The following IMMP2L variants were observed in gnomAD, a reference collection of about 807,000 sequenced individuals.
IMMP2L encodes inner mitochondrial membrane peptidase subunit 2, also known as mitochondrial inner membrane protease subunit 2.
IMMP2L carries 18 observed loss-of-function variants against 19.3 expected under a neutral mutation model. The observed-to-expected ratio is 0.93, with a 90% CI of 0.64 to 1.38. The LOEUF is 1.38. Among genes scored for constraint, IMMP2L ranks in the 40% most tolerant of loss-of-function variants. The pLI is 0.00. For synonymous variants in IMMP2L, 76 were observed against 73.0 expected (o/e 1.04, Z -0.21); for missense variants, 233 against 218.2 (o/e 1.07, Z -0.43).
At chr7:110,698,545 C>A (rs1442963656) in intron 5 of IMMP2L, among the ~76,000 whole-genome samples, 1 of 152,120 alleles carries the variant, frequency 6.6e-6, no homozygotes, top group African/African-American at 2.4e-5. Context: ...CTCTTTCATC[C>A]TTTCTAGAAT....
intron 3 of IMMP2L, among the ~76,000 whole-genome samples, chr7:111,188,897 T>G (rs1808564494): frequency 6.6e-6 from 1 of 152,124 alleles, no homozygotes; most frequent in South Asian, 2.1e-4. Flanking sequence ...AATATGATCT[T>G]TTTAAGCCAA....
intron 3 of IMMP2L, among the ~76,000 whole-genome samples, chr7:110,976,796 C>G (rs962019703): frequency 3.3e-5 from 5 of 151,962 alleles, no homozygotes; most frequent in African/African-American, 1.2e-4. Flanking sequence ...ATTGAACATA[C>G]TGGCTCCCTA....
chr7:111,344,774 A>C (rs1189877504), intron 3 of IMMP2L, among the ~76,000 whole-genome samples: 1 of 152,196 alleles, frequency 6.6e-6, no homozygotes, highest in African/African-American at 2.4e-5. Flanking sequence ...GTATCAATAT[A>C]GCTGAGTTTT....
intron 3 of IMMP2L, among the ~76,000 whole-genome samples, chr7:110,969,543 T>C (rs1725230008): frequency 6.6e-6 from 1 of 151,998 alleles, no homozygotes; most frequent in South Asian, 2.1e-4. Flanking sequence ...CAAAATGACG[T>C]ACAGATGAAG....
At chr7:111,141,633 G>T (rs1368247186) in intron 3 of IMMP2L, among the ~76,000 whole-genome samples, 1 of 152,070 alleles carries the variant, frequency 6.6e-6, no homozygotes, top group African/African-American at 2.4e-5. Flanking sequence ...GTTTATGGGG[G>T]TTTTTATTCC....
chr7:111,318,759 T>C (rs528013239), intron 3 of IMMP2L, among the ~76,000 whole-genome samples: 2 of 152,114 alleles, frequency 1.3e-5, no homozygotes, highest in Non-Finnish European at 2.9e-5. Flanking sequence ...ATAGATTCTT[T>C]TAAAAATATT....
chr7:111,134,778 T>C lies in IMMP2L; in HGVS notation c.240-171213A>G, dbSNP rs1340631387. 2.0e-5 allele frequency among the ~76,000 whole-genome samples: 3 copies of C among 152,124 alleles called. No individual in the cohort carries two copies. In the East Asian group the frequency reaches 5.8e-4, roughly 29 times the overall value. On this transcript the variant is annotated intron_variant, in intron 3 of 5. Transcript: ENST00000405709. The stretch of plus-strand genomic sequence containing the variant: ...AAAAAATAAATAGGATAAAAGCACA[T>C]CACATCCACCTTCCTGTGACATTTA...
At chr7:111,258,525 G>C (rs1367624515) in intron 3 of IMMP2L, among the ~76,000 whole-genome samples, 1 of 151,168 alleles carries the variant, frequency 6.6e-6, no homozygotes, top group Non-Finnish European at 1.5e-5. Context: ...TTATTTTTTT[G>C]AAAAAGAATC....
intron 3 of IMMP2L, among the ~76,000 whole-genome samples, chr7:111,039,051 T>C (rs1414126535): frequency 6.6e-6 from 1 of 152,142 alleles, no homozygotes; most frequent in Non-Finnish European, 1.5e-5. Context: ...TTTTTGTACA[T>C]AACTTCTATT....
chr7:110,773,837 T>TC (rs975934636), intron 5 of IMMP2L, among the ~76,000 whole-genome samples: 32 of 151,546 alleles, frequency 2.1e-4, no homozygotes, highest in African/African-American at 7.7e-4. Context: ...CTTTTTTTTT[T>TC]TTTTTAGTTT....
intron 3 of IMMP2L, among the ~76,000 whole-genome samples, chr7:111,023,318 T>C (rs1221372042): frequency 6.6e-6 from 1 of 152,194 alleles, no homozygotes; most frequent in Non-Finnish European, 1.5e-5. Flanking sequence ...AATACTTAGA[T>C]ATTCAATTGT....
rs111732808 is a variant in IMMP2L at position 110,896,838 on chromosome 7, G to A, written c.306-10143C>T. Among the ~76,000 whole-genome samples the A allele has an allele frequency of 5.9e-3, 900 of 151,682 alleles. 6 individuals are homozygous for A. Among genetic ancestry groups the A allele is most frequent in the African/African-American group, 0.021 (875 of 41,310 alleles). ...TTTTTTTTTTTAGAGACAAGGTCTC[G>A]CTTCGTTGCTCAGGCTAGAGTGCAG... is the stretch of plus-strand genomic sequence containing the variant. On this transcript the variant is annotated intron_variant, in intron 4 of 5. Coordinates refer to ENST00000405709, the MANE Select transcript of IMMP2L (RefSeq NM_032549.4).
intron 5 of IMMP2L, among the ~76,000 whole-genome samples, chr7:110,801,648 T>C (rs1265018979): frequency 2.0e-5 from 3 of 152,092 alleles, no homozygotes; most frequent in Non-Finnish European, 1.5e-5. Flanking sequence ...ATCATTTCAG[T>C]TGTGAACCCT....
At chr7:110,775,000 C>T (rs1799281970) in intron 5 of IMMP2L, among the ~76,000 whole-genome samples, 1 of 151,782 alleles carries the variant, frequency 6.6e-6, no homozygotes, top group Non-Finnish European at 1.5e-5. Flanking sequence ...ACCATGCAGC[C>T]AATTAAAATC....
intron 5 of IMMP2L, among the ~76,000 whole-genome samples, chr7:110,713,806 T>G (rs1795057513): frequency 6.6e-6 from 1 of 152,166 alleles, no homozygotes; most frequent in Non-Finnish European, 1.5e-5. Flanking sequence ...TGAAACTTTA[T>G]GGAAGTCATT....
chr7:111,402,410 C>T (rs915665389), intron 3 of IMMP2L, among the ~76,000 whole-genome samples: 2 of 151,834 alleles, frequency 1.3e-5, no homozygotes, highest in African/African-American at 2.4e-5. Context: ...GCTCAAAAAC[C>T]TTAAAAGCTT....
At chr7:110,808,332 A>C (rs1275647566) in intron 5 of IMMP2L, among the ~76,000 whole-genome samples, 2 of 152,062 alleles carry the variant, frequency 1.3e-5, no homozygotes, top group East Asian at 1.9e-4. Context: ...ATGCGCTAAC[A>C]ATCTCAGTAC....
intron 5 of IMMP2L, among the ~76,000 whole-genome samples, chr7:110,846,997 G>C (rs999012010): frequency 1.6e-4 from 24 of 152,102 alleles, no homozygotes; most frequent in African/African-American, 5.8e-4. Flanking sequence ...TTTCTTCAGT[G>C]TTTTCCAGAT....
intron 3 of IMMP2L, among the ~76,000 whole-genome samples, chr7:111,129,102 C>A (rs1487044916): frequency 1.3e-5 from 2 of 151,916 alleles, no homozygotes; most frequent in Non-Finnish European, 2.9e-5. Flanking sequence ...GTGTCAGAAG[C>A]TACTAAAGCA....
Sources: gnomAD v4.1 joint callset for allele counts (sites outside exome capture counted in the v4.1 genomes callset) on GRCh38, gnomAD v4.1.1 for gene constraint, MANE v1.5 for transcripts, NCBI Gene and HGNC (gene_info 2026-07-23, HGNC 2026-07-21) for gene names.